The following RIPOR2 variants were observed in gnomAD, a reference collection of about 807,000 sequenced individuals.
RIPOR2 encodes RHO family interacting cell polarization regulator 2, also known as rho family-interacting cell polarization regulator 2.
Under a neutral mutation model 114.5 loss-of-function variants are expected in RIPOR2, and 39 were observed. The observed-to-expected ratio is 0.34, with a 90% confidence interval of 0.26 to 0.44. The LOEUF is 0.44. Ranked by LOEUF, RIPOR2 falls within the 20% of genes least tolerant of loss-of-function variation. RIPOR2 has a pLI of 1.00. For missense variants in RIPOR2, 1,007 were observed against 1,255.1 expected, an observed-to-expected ratio of 0.80 and a Z score of 2.99; for synonymous variants, 445 against 484.4, an observed-to-expected ratio of 0.92 and a Z score of 1.07.
chr6:24,976,508 G>A, intron 1 of RIPOR2: 2 of 1,581,750 alleles, frequency 1.3e-6, no homozygotes, highest in African/African-American at 2.7e-5. Flanking sequence ...TGGAAACCAA[G>A]AAGTGACTGC....
chr6:24,954,453 CTCCTTTTTTT>C (rs1772932551), intron 1 of RIPOR2, among the ~76,000 whole-genome samples: 1 of 8,564 alleles, frequency 1.2e-4, no homozygotes, highest in Non-Finnish European at 3.1e-4. Context: ...CAGTCTCTCT[CTCCTTTTTTT>C]TTTTTTTTTT....
Position 24,806,366 on chromosome 6 carries a change from C to T in RIPOR2, c.*7G>A, listed in dbSNP as rs9358799. 0.51 allele frequency: 771,271 copies of T among 1,524,680 alleles called. 200,409 individuals carry two copies. Among genetic ancestry groups the T allele is most frequent in the Non-Finnish European group, 0.54 (604,756 of 1,122,912 alleles). 94.4% of individuals were successfully genotyped at this position (1,524,680 alleles called of 1,614,324 possible). On this transcript the variant is annotated 3_prime_UTR_variant, in exon 22 of 22. Coordinates refer to ENST00000643898, the MANE Select transcript of RIPOR2 (RefSeq NM_001286445.3). ...ATTAAGACAGCTGTTAGGCAGTTAA[C>T]CTGTAATTAAAAGGCTGTGGCAACT...
At chr6:24,970,818 G>A (rs546750895) in intron 1 of RIPOR2, among the ~76,000 whole-genome samples, 1 of 152,312 alleles carries the variant, frequency 6.6e-6, no homozygotes, top group African/African-American at 2.4e-5. Flanking sequence ...GTAGTGGTAG[G>A]AGTCTGCACT....
At chr6:24,988,273 C>T (rs1774626410) in intron 1 of RIPOR2, among the ~76,000 whole-genome samples, 3 of 152,124 alleles carry the variant, frequency 2.0e-5, no homozygotes, top group Non-Finnish European at 2.9e-5. Flanking sequence ...GCAACCTCCG[C>T]CTCCCAGATT....
chr6:24,973,048 A>G (rs1434002752), intron 1 of RIPOR2, among the ~76,000 whole-genome samples: 1 of 144,984 alleles, frequency 6.9e-6, no homozygotes, highest in Non-Finnish European at 1.5e-5. Context: ...AAAATAAAGT[A>G]ATGAAAGGAG....
chr6:24,972,402 C>T (rs560206706), intron 1 of RIPOR2, among the ~76,000 whole-genome samples: 8 of 152,336 alleles, frequency 5.3e-5, no homozygotes, highest in Non-Finnish European at 1.2e-4. Flanking sequence ...CATCTCAGGA[C>T]TCACACTACA....
At chr6:24,920,868 C>T (rs944996119) in intron 1 of RIPOR2, among the ~76,000 whole-genome samples, 1 of 152,160 alleles carries the variant, frequency 6.6e-6, no homozygotes, top group Non-Finnish European at 1.5e-5. Context: ...TGGAATCATC[C>T]TTGACCACTT....
intron 1 of RIPOR2, among the ~76,000 whole-genome samples, chr6:24,946,056 A>G (rs1581854195): frequency 1.3e-5 from 2 of 150,036 alleles, no homozygotes; most frequent in African/African-American, 4.9e-5. Flanking sequence ...CTGGAAGATG[A>G]TAATTATTTA....
intron 1 of RIPOR2, among the ~76,000 whole-genome samples, chr6:25,004,662 G>A (rs756650500): frequency 9.9e-5 from 15 of 152,196 alleles, no homozygotes; most frequent in South Asian, 2.1e-4. Context: ...TATTTGTCCC[G>A]AACTGGAGGC....
chr6:24,806,412 G>T lies in RIPOR2; in HGVS notation c.3105C>A (p.Val1035=), dbSNP rs968251971. 1.9e-6 allele frequency: 3 copies of T among 1,551,352 alleles called. No homozygotes were observed. The highest frequency in any genetic ancestry group is 2.6e-6 in the Non-Finnish European group (3 of 1,146,840). The change falls in exon 22 of 22, where the codon GTC becomes GTA. Residue 1035 remains valine, a synonymous_variant. Transcript: ENST00000643898. ...LDKFPRDCVK[V]GGRHGTEVAT... The stretch of plus-strand genomic sequence containing the variant: ...CAACTTCAGTTCCATGACGACCTCC[G>T]ACTTTAACACAGTCTCGAGGAAATT...
chr6:24,909,508 G>A (rs1769334680), intron 1 of RIPOR2, among the ~76,000 whole-genome samples: 1 of 152,096 alleles, frequency 6.6e-6, no homozygotes, highest in Non-Finnish European at 1.5e-5. Flanking sequence ...GGGTAGGGGA[G>A]GGAAGGAGGT....
intron 1 of RIPOR2, among the ~76,000 whole-genome samples, chr6:24,983,510 G>T (rs957949968): frequency 2.0e-5 from 3 of 151,916 alleles, no homozygotes; most frequent in Non-Finnish European, 4.4e-5. Flanking sequence ...TAATCTCAGC[G>T]CTTTGGGAGG....
At chr6:24,913,029 A>C (rs1260535074) in intron 1 of RIPOR2, among the ~76,000 whole-genome samples, 2 of 152,200 alleles carry the variant, frequency 1.3e-5, no homozygotes, top group Non-Finnish European at 2.9e-5. Flanking sequence ...GTTGAAAGTC[A>C]GATGTGATTC....
At chr6:24,842,728 T>A in intron 13 of RIPOR2, 134 bp downstream of exon 13, 1 of 442,582 alleles carries the variant, frequency 2.3e-6, no homozygotes, top group Non-Finnish European at 3.9e-6. Context: ...TTAGTGCCAT[T>A]TAAAATGATG....
intron 1 of RIPOR2, among the ~76,000 whole-genome samples, chr6:24,934,317 G>T (rs775965715): frequency 6.6e-6 from 1 of 152,174 alleles, no homozygotes; most frequent in South Asian, 2.1e-4. Flanking sequence ...AAACTTCAAG[G>T]TGTTGGTGGC....
chr6:24,969,668 C>T (rs1241916622), intron 1 of RIPOR2, among the ~76,000 whole-genome samples: 3 of 152,112 alleles, frequency 2.0e-5, no homozygotes, highest in Non-Finnish European at 4.4e-5. Context: ...TGATAAGGCT[C>T]TTTTTGATTG....
At position 24,942,952 on chromosome 6, in the gene RIPOR2, CA is replaced by C. The variant is rs1444797441; in HGVS notation, c.77-67136del. On this transcript the variant is annotated intron_variant, in intron 1 of 13. Coordinates refer to the RIPOR2 transcript ENST00000510784. Reference sequence around the variant, plus strand: ...ATTTGTCAAATTTGGCTTTTGTTGCCATTGCTTTTGGTGTTTTAGACATGAA... The same window carrying C: ...ATTTGTCAAATTTGGCTTTTGTTGCCTTGCTTTTGGTGTTTTAGACATGAA... 3.3e-5 allele frequency among the ~76,000 whole-genome samples: 5 copies of C among 152,088 alleles called. No homozygotes were observed. The East Asian group carries it at 9.6e-4, about 29-fold the overall frequency.
chr6:24,861,365 A>G (rs1369738214), intron 7 of RIPOR2, among the ~76,000 whole-genome samples: 1 of 152,248 alleles, frequency 6.6e-6, no homozygotes, highest in Admixed American at 6.5e-5. Context: ...CTACATAAAG[A>G]GACTAGACAA....
At chr6:24,807,217 A>G (rs1780828147) in intron 21 of RIPOR2, among the ~76,000 whole-genome samples, 1 of 152,240 alleles carries the variant, frequency 6.6e-6, no homozygotes, top group Non-Finnish European at 1.5e-5. Context: ...CTGTAACCCC[A>G]GAACTTTGGG....
Sources: allele counts gnomAD v4.1 joint callset (sites outside exome capture counted in the v4.1 genomes callset), GRCh38; gene constraint gnomAD v4.1.1; transcripts MANE v1.5; gene names NCBI Gene and HGNC (gene_info 2026-07-23, HGNC 2026-07-21).